Variants in LOC400499 observed in about 807,000 individuals in gnomAD.
At chr16:11,451,000 G>C in the LOC400499 span, among the ~76,000 whole-genome samples, 2 of 152,178 alleles carry the variant, frequency 1.3e-5, no homozygotes, top group African/African-American at 4.8e-5. Context: ...ACAGGTGTTT[G>C]GATCACCCAG....
At chr16:11,463,700 T>C in the LOC400499 span, among the ~76,000 whole-genome samples, 2 of 152,130 alleles carry the variant, frequency 1.3e-5, no homozygotes, top group East Asian at 3.9e-4. Flanking sequence ...TGAACAGATA[T>C]GTATATATGG....
chr16:11,390,402 C>A, the LOC400499 span: 1 of 1,248,472 alleles, frequency 8.0e-7, no homozygotes, highest in Non-Finnish European at 1.0e-6. Context: ...GCTCCCGCCA[C>A]ACCTCCTCCA....
the LOC400499 span, among the ~76,000 whole-genome samples, chr16:11,483,287 G>T: frequency 6.6e-6 from 1 of 152,176 alleles, no homozygotes; most frequent in African/African-American, 2.4e-5. Context: ...CCTACCATAT[G>T]ATCTAGCCAC....
At chr16:11,431,081 G>A in the LOC400499 span, 2 of 399,072 alleles carry the variant, frequency 5.0e-6, no homozygotes, top group Admixed American at 4.4e-5. Context: ...GTGAGTGTCA[G>A]GAGGCGGGGC....
the LOC400499 span, chr16:11,488,807 C>T: frequency 5.0e-6 from 2 of 398,924 alleles, no homozygotes; most frequent in East Asian, 3.6e-5. Context: ...CCGGAGGGCC[C>T]GTTTCAGGGG....
the LOC400499 span, among the ~76,000 whole-genome samples, chr16:11,444,793 G>A: frequency 2.1e-3 from 321 of 152,232 alleles, no homozygotes; most frequent in African/African-American, 7.3e-3. Context: ...CACAAAAATA[G>A]AACTGGGGCC....
chr16:11,480,382 C>G, the LOC400499 span, among the ~76,000 whole-genome samples: 1 of 152,200 alleles, frequency 6.6e-6, no homozygotes, highest in African/African-American at 2.4e-5. Flanking sequence ...TGTTCCCAAG[C>G]CCCGGGTTCA....
the LOC400499 span, among the ~76,000 whole-genome samples, chr16:11,436,234 G>A: frequency 6.6e-6 from 1 of 152,174 alleles, no homozygotes; most frequent in African/African-American, 2.4e-5. Flanking sequence ...GGGGCTGGTG[G>A]GGGAAGCAGA....
the LOC400499 span, among the ~76,000 whole-genome samples, chr16:11,510,216 C>T: frequency 1.2e-4 from 17 of 136,610 alleles, no homozygotes; most frequent in Non-Finnish European, 2.7e-4. Context: ...TGCTCCTTAG[C>T]AAAGGCGTGT....
the LOC400499 span, among the ~76,000 whole-genome samples, chr16:11,478,357 C>G: frequency 6.6e-6 from 1 of 151,964 alleles, no homozygotes; most frequent in African/African-American, 2.4e-5. Flanking sequence ...ATTTAATATC[C>G]CATTTCACAG....
chr16:11,485,072 A>G, the LOC400499 span: 12 of 398,872 alleles, frequency 3.0e-5, no homozygotes, highest in Non-Finnish European at 4.9e-5. Context: ...CCGGAGCCCA[A>G]GCTGGGAAGG....
chr16:11,494,397 T>TG, the LOC400499 span, among the ~76,000 whole-genome samples: 28 of 68,224 alleles, frequency 4.1e-4, no homozygotes, highest in African/African-American at 1.3e-3. Flanking sequence ...GGCAGTGGCG[T>TG]GGGGGGGCAG....
the LOC400499 span, among the ~76,000 whole-genome samples, chr16:11,480,559 A>G: frequency 6.6e-6 from 1 of 152,246 alleles, no homozygotes; most frequent in South Asian, 2.1e-4. Flanking sequence ...GTTCCTACCC[A>G]TAGGATGAAT....
the LOC400499 span, chr16:11,439,546 A>G: frequency 1.5e-5 from 6 of 399,058 alleles, no homozygotes; most frequent in African/African-American, 1.0e-4. Flanking sequence ...AGAAAAATGC[A>G]AAGTCGGAGT....
the LOC400499 span, chr16:11,411,121 G>A: frequency 2.5e-6 from 1 of 397,614 alleles, no homozygotes; most frequent in African/African-American, 2.1e-5. Flanking sequence ...TTGCCCACCG[G>A]AGCCTGCTGC....
At chr16:11,486,081 T>C in the LOC400499 span, among the ~76,000 whole-genome samples, 3 of 146,930 alleles carry the variant, frequency 2.0e-5, no homozygotes, top group African/African-American at 7.9e-5. Flanking sequence ...GATGGATGTA[T>C]GGATGGATGG....
At chr16:11,438,215 T>G in the LOC400499 span, among the ~76,000 whole-genome samples, 4 of 152,216 alleles carry the variant, frequency 2.6e-5, no homozygotes, top group African/African-American at 9.6e-5. Flanking sequence ...GAACAAATGG[T>G]TAATATGATG....
At chr16:11,398,387 C>T in the LOC400499 span, 2 of 1,232,316 alleles carry the variant, frequency 1.6e-6, no homozygotes, top group Non-Finnish European at 2.0e-6. Flanking sequence ...GGGAGTGCCG[C>T]AGCCAGCGTG....
chr16:11,455,452 G>A, the LOC400499 span, among the ~76,000 whole-genome samples: 2 of 151,998 alleles, frequency 1.3e-5, no homozygotes, highest in Non-Finnish European at 2.9e-5. Context: ...CTTGGGGTAG[G>A]GGCCAGGCAC....
Sources: gnomAD v4.1 joint callset for allele counts (sites outside exome capture counted in the v4.1 genomes callset) on GRCh38, gnomAD v4.1.1 for gene constraint, MANE v1.5 for transcripts.